The following FARS2 variants were observed in gnomAD, a reference collection of about 807,000 sequenced individuals.
FARS2 encodes the protein phenylalanine--tRNA ligase, mitochondrial.
Under a neutral mutation model 46.4 loss-of-function variants are expected in FARS2, and 40 were observed. The observed-to-expected ratio is 0.86, with a 90% CI of 0.67 to 1.12. The LOEUF is 1.12. Among genes scored for constraint, FARS2 ranks in the 50% most tolerant of loss-of-function variants. FARS2 has a pLI of 0.00. For synonymous variants in FARS2, 234 were observed against 214.9 expected (o/e 1.09, Z -0.78); for missense variants, 513 against 567.9 (o/e 0.90, Z 0.98).
chr6:5,523,500 C>T (rs1457279032), intron 4 of FARS2, among the ~76,000 whole-genome samples: 1 of 151,218 alleles, frequency 6.6e-6, no homozygotes, highest in Non-Finnish European at 1.5e-5. Flanking sequence ...GAAGCCCGGG[C>T]ATGGGCGATG....
chr6:5,474,743 C>G (rs1258178408), intron 4 of FARS2, among the ~76,000 whole-genome samples: 1 of 150,528 alleles, frequency 6.6e-6, no homozygotes, highest in African/African-American at 2.4e-5. Flanking sequence ...TCACTGCAAC[C>G]TCTTCCTCCT....
chr6:5,532,636 A>T (rs896172207), intron 4 of FARS2, among the ~76,000 whole-genome samples: 2 of 152,192 alleles, frequency 1.3e-5, no homozygotes. Flanking sequence ...CTGTAATCCC[A>T]GCTACTCGGG....
At chr6:5,289,639 T>A (rs1767365607) in intron 1 of FARS2, among the ~76,000 whole-genome samples, 1 of 152,214 alleles carries the variant, frequency 6.6e-6, no homozygotes, top group Non-Finnish European at 1.5e-5. Context: ...CTGTGACCAG[T>A]CTGATTGGTT....
intron 4 of FARS2, among the ~76,000 whole-genome samples, chr6:5,439,260 G>T (rs1276026209): frequency 1.3e-5 from 2 of 152,058 alleles, no homozygotes; most frequent in Non-Finnish European, 2.9e-5. Context: ...TGATATCTGT[G>T]CAGGTTTCCA....
At chr6:5,323,843 G>A (rs1052823708) in intron 1 of FARS2, among the ~76,000 whole-genome samples, 4 of 152,124 alleles carry the variant, frequency 2.6e-5, no homozygotes, top group African/African-American at 9.7e-5. Flanking sequence ...CACCCTAATG[G>A]CTAAGGTCAG....
chr6:5,421,510 A>C (rs914089809), intron 3 of FARS2, among the ~76,000 whole-genome samples: 3 of 152,302 alleles, frequency 2.0e-5, no homozygotes, highest in South Asian at 2.1e-4. Context: ...TTTCTTTTCT[A>C]TCGCATTGTC....
intron 6 of FARS2, among the ~76,000 whole-genome samples, chr6:5,687,493 A>G (rs1757328988): frequency 6.6e-6 from 1 of 152,186 alleles, no homozygotes; most frequent in African/African-American, 2.4e-5. Context: ...AGGTTTGTCA[A>G]AGATCAGATA....
At chr6:5,611,808 T>G (rs1775201973) in intron 5 of FARS2, among the ~76,000 whole-genome samples, 1 of 152,198 alleles carries the variant, frequency 6.6e-6, no homozygotes. Flanking sequence ...TTGGGACACC[T>G]TCTGCCATTT....
At chr6:5,581,649 G>A (rs1582502357) in intron 5 of FARS2, among the ~76,000 whole-genome samples, 1 of 152,218 alleles carries the variant, frequency 6.6e-6, no homozygotes, top group South Asian at 2.1e-4. Flanking sequence ...GCATCGTGAG[G>A]TGTCCTGCCT....
Position 5,309,133 on chromosome 6 carries a change from A to T in FARS2, c.-22+47473A>T, listed in dbSNP as rs137920674. Among the ~76,000 whole-genome samples the T allele has an allele frequency of 2.4e-3, 363 of 152,344 alleles. 1 individual carries two copies. Among genetic ancestry groups the T allele is most frequent in the Non-Finnish European group, 3.9e-3 (263 of 68,028 alleles). On this transcript the variant is annotated intron_variant, in intron 1 of 6. Coordinates refer to ENST00000274680, the MANE Select transcript of FARS2 (RefSeq NM_006567.5). ...ATTTATACCAGACAATGTGCTGTGTACAAGATAAACAGTGGGATATGAAAT... is the reference window on the plus strand; with the variant it reads ...ATTTATACCAGACAATGTGCTGTGTTCAAGATAAACAGTGGGATATGAAAT...
intron 4 of FARS2, among the ~76,000 whole-genome samples, chr6:5,460,153 CT>C (rs1441678752): frequency 6.6e-6 from 1 of 152,170 alleles, no homozygotes; most frequent in Non-Finnish European, 1.5e-5. Flanking sequence ...TTTCTTCAGT[CT>C]TTTTTTGTCT....
In FARS2 at chr6:5,631,461, A is replaced by G. The variant is rs1454318138; in HGVS notation, c.1217+18141A>G. On this transcript the variant is annotated intron_variant, in intron 6 of 6. Coordinates refer to ENST00000274680, the MANE Select transcript of FARS2 (RefSeq NM_006567.5). ...TGAAAAATCCTAATAGTTAATAGAA[A>G]AACAAAATTCAAGGTCCCTCTAACC... Among the ~76,000 whole-genome samples, 4 of 152,222 alleles carry G rather than the reference A, an allele frequency of 2.6e-5. No individual in the cohort carries two copies. In the East Asian group the frequency reaches 7.7e-4, roughly 29 times the overall value.
At chr6:5,253,663 G>A in the FARS2 span, among the ~76,000 whole-genome samples, 1 of 152,056 alleles carries the variant, frequency 6.6e-6, no homozygotes, top group Non-Finnish European at 1.5e-5. Context: ...GAGCCTAGTC[G>A]CCGGCCATTG....
intron 1 of FARS2, among the ~76,000 whole-genome samples, chr6:5,341,860 A>G (rs1177069716): frequency 6.6e-6 from 1 of 152,174 alleles, no homozygotes; most frequent in Non-Finnish European, 1.5e-5. Flanking sequence ...AGCTGCTTTT[A>G]ATTATTCAAG....
intron 4 of FARS2, among the ~76,000 whole-genome samples, chr6:5,437,662 G>C (rs1047463395): frequency 6.6e-6 from 1 of 151,974 alleles, no homozygotes; most frequent in Non-Finnish European, 1.5e-5. Context: ...ATCCATTCCT[G>C]TCTTGTCTTC....
intron 5 of FARS2, among the ~76,000 whole-genome samples, chr6:5,579,356 G>A (rs1773192075): frequency 6.6e-6 from 1 of 152,108 alleles, no homozygotes; most frequent in South Asian, 2.1e-4. Context: ...CGCCTCCTGG[G>A]TTCAAGCGAT....
intron 1 of FARS2, among the ~76,000 whole-genome samples, chr6:5,302,011 A>AT (rs1768353040): frequency 6.6e-6 from 1 of 152,224 alleles, no homozygotes; most frequent in Non-Finnish European, 1.5e-5. Context: ...GTTGTTGGTC[A>AT]TTTATCTTCT....
At chr6:5,308,376 A>T (rs1334724659) in intron 1 of FARS2, among the ~76,000 whole-genome samples, 1 of 152,230 alleles carries the variant, frequency 6.6e-6, no homozygotes, top group African/African-American at 2.4e-5. Flanking sequence ...AAGGCAAGAG[A>T]GGAAGCAGCA....
intron 1 of FARS2, among the ~76,000 whole-genome samples, chr6:5,269,807 C>T (rs1173020372): frequency 6.6e-6 from 1 of 152,194 alleles, no homozygotes; most frequent in Non-Finnish European, 1.5e-5. Context: ...TGATAGTATA[C>T]TGTAGACTGT....
Sources: gnomAD v4.1 joint callset for allele counts (sites outside exome capture counted in the v4.1 genomes callset) on GRCh38, gnomAD v4.1.1 for gene constraint, MANE v1.5 for transcripts, NCBI Gene and HGNC (gene_info 2026-07-23, HGNC 2026-07-21) for gene names.